The following STXBP5L variants were observed in gnomAD, a reference collection of about 807,000 sequenced individuals.
The protein encoded by STXBP5L is syntaxin-binding protein 5-like.
A neutral mutation model predicts 144.5 loss-of-function variants in STXBP5L; 65 were observed. The ratio of observed to expected loss-of-function variants is 0.45; its 90% CI spans 0.37 to 0.55. The LOEUF is 0.55. Among genes scored for constraint, STXBP5L ranks in the 20% least tolerant of loss-of-function variants. The pLI is 0.00. For synonymous variants in STXBP5L, 505 were observed against 469.6 expected (o/e 1.08, Z -0.97); for missense variants, 1,298 against 1,405.5 (o/e 0.92, Z 1.22).
intron 3 of STXBP5L, among the ~76,000 whole-genome samples, chr3:120,976,897 G>C (rs1004365246): frequency 2.6e-5 from 4 of 152,032 alleles, no homozygotes; most frequent in African/African-American, 9.7e-5. Context: ...TGATTGCACT[G>C]TGGTCTGAGA....
chr3:121,022,565 T>A (rs1404059443), intron 3 of STXBP5L, among the ~76,000 whole-genome samples: 1 of 152,108 alleles, frequency 6.6e-6, no homozygotes, highest in Non-Finnish European at 1.5e-5. Flanking sequence ...TCCACCATGA[T>A]CAAGTGGGTT....
chr3:121,206,000 A>C lies in STXBP5L; in HGVS notation c.955A>C (p.Ser319Arg). The change falls in exon 10 of 27, where the codon AGC (serine) becomes CGC (arginine). Residue 319 changes from serine to arginine, a missense_variant and splice_region_variant. Ser to Arg is a moderately radical substitution (Grantham distance 110, BLOSUM62 -1). Coordinates refer to ENST00000471454, the MANE Select transcript of STXBP5L (RefSeq NM_001308330.2). ...AGTAGAATACAAGACCTGCAAAAAC[A>C]GGTATGCATTTTTACTTTAGGGAAA... ...LKVEYKTCKN[S>R]EPFIIFSGGL... The C allele has an allele frequency of 6.7e-7, 1 of 1,497,496 alleles. No individual in the cohort carries two copies. Among genetic ancestry groups the C allele is most frequent in the Non-Finnish European group, 8.9e-7 (1 of 1,126,250 alleles). The allele number at this position is 1,497,496 out of a possible 1,614,324, so 92.8% of individuals were successfully genotyped here.
chr3:121,381,834 T>A (rs961283295), intron 22 of STXBP5L, among the ~76,000 whole-genome samples: 1 of 152,108 alleles, frequency 6.6e-6, no homozygotes, highest in Non-Finnish European at 1.5e-5. Context: ...AAACTTAAAT[T>A]TATTTTTAAC....
intron 6 of STXBP5L, among the ~76,000 whole-genome samples, chr3:121,119,816 CTA>C (rs1424869802): frequency 1.3e-5 from 2 of 151,150 alleles, no homozygotes; most frequent in Non-Finnish European, 1.5e-5. Flanking sequence ...TTGATGTGTT[CTA>C]TGTTTGTTTA....
intron 20 of STXBP5L, among the ~76,000 whole-genome samples, chr3:121,375,028 G>C (rs2046143368): frequency 6.6e-6 from 1 of 150,542 alleles, no homozygotes; most frequent in African/African-American, 2.4e-5. Flanking sequence ...GAGGGTGGGA[G>C]GGTGGGAGGG....
intron 18 of STXBP5L, among the ~76,000 whole-genome samples, chr3:121,265,078 T>G (rs1004911802): frequency 6.6e-6 from 1 of 152,138 alleles, no homozygotes; most frequent in Middle Eastern, 3.2e-3. Flanking sequence ...GACAGAAAAT[T>G]AATAAGGATA....
intron 3 of STXBP5L, among the ~76,000 whole-genome samples, chr3:120,973,785 C>T (rs573789348): frequency 6.7e-6 from 1 of 148,942 alleles, no homozygotes; most frequent in Non-Finnish European, 1.5e-5. Context: ...TGAGTGAGAA[C>T]ATGCGGTGTT....
chr3:121,247,032 A>C (rs1468937375), intron 14 of STXBP5L, among the ~76,000 whole-genome samples: 2 of 152,186 alleles, frequency 1.3e-5, no homozygotes, highest in Non-Finnish European at 2.9e-5. Context: ...ATTTACTAAA[A>C]ATTATCAAAC....
chr3:121,227,390 C>A (rs1280988087), intron 11 of STXBP5L, among the ~76,000 whole-genome samples: 1 of 152,024 alleles, frequency 6.6e-6, no homozygotes, highest in Non-Finnish European at 1.5e-5. Context: ...GACCAGCCTG[C>A]ACAACATAGC....
intron 5 of STXBP5L, among the ~76,000 whole-genome samples, chr3:121,058,136 C>T (rs1023610611): frequency 1.3e-5 from 2 of 152,172 alleles, no homozygotes; most frequent in East Asian, 3.9e-4. Flanking sequence ...ACACCCCCAT[C>T]ACCCAACAGG....
intron 20 of STXBP5L, among the ~76,000 whole-genome samples, chr3:121,338,600 A>AG (rs1419979066): frequency 4.9e-4 from 73 of 149,598 alleles, no homozygotes; most frequent in Non-Finnish European, 1.0e-3. Flanking sequence ...GTCAAAAAAA[A>AG]AAAAAAAAAG....
At chr3:121,308,006 C>A (rs1335504385) in intron 19 of STXBP5L, among the ~76,000 whole-genome samples, 1 of 152,028 alleles carries the variant, frequency 6.6e-6, no homozygotes, top group Non-Finnish European at 1.5e-5. Context: ...ACAATGGAGG[C>A]CAGAAGGGAA....
At chr3:121,207,738 A>G (rs1261067155) in intron 10 of STXBP5L, among the ~76,000 whole-genome samples, 1 of 152,250 alleles carries the variant, frequency 6.6e-6, no homozygotes, top group East Asian at 1.9e-4. Context: ...AAAAATGCTC[A>G]TCATCACTGG....
intron 3 of STXBP5L, among the ~76,000 whole-genome samples, chr3:121,006,608 T>A (rs969318202): frequency 6.6e-6 from 1 of 152,198 alleles, no homozygotes; most frequent in Admixed American, 6.5e-5. Flanking sequence ...GTTAGCTGGT[T>A]ATTTTGCTTG....
chr3:121,129,314 G>A (rs564796815), intron 7 of STXBP5L, among the ~76,000 whole-genome samples: 26 of 151,894 alleles, frequency 1.7e-4, no homozygotes, highest in African/African-American at 4.8e-4. Flanking sequence ...GTAATCAGAA[G>A]CAATACAGCA....
At chr3:121,015,257 T>C (rs1018954296) in intron 3 of STXBP5L, among the ~76,000 whole-genome samples, 1 of 152,182 alleles carries the variant, frequency 6.6e-6, no homozygotes, top group African/African-American at 2.4e-5. Flanking sequence ...TTAATAATTT[T>C]AAAAATCAGT....
At chr3:120,923,917 C>A (rs1266276644) in intron 2 of STXBP5L, among the ~76,000 whole-genome samples, 1 of 151,626 alleles carries the variant, frequency 6.6e-6, no homozygotes, top group Non-Finnish European at 1.5e-5. Context: ...CTGTCCGTTA[C>A]TGAGAGAGAT....
intron 10 of STXBP5L, among the ~76,000 whole-genome samples, chr3:121,207,538 A>C (rs1376660674): frequency 6.6e-6 from 1 of 152,232 alleles, no homozygotes; most frequent in African/African-American, 2.4e-5. Context: ...CATCATAGTG[A>C]ACAGGCAACC....
intron 15 of STXBP5L, among the ~76,000 whole-genome samples, chr3:121,251,131 T>C (rs538868739): frequency 3.9e-5 from 6 of 152,242 alleles, no homozygotes; most frequent in Admixed American, 6.5e-5. Context: ...AGTCTTCACT[T>C]TTTTTTCCCC....
Sources: allele counts gnomAD v4.1 joint callset (sites outside exome capture counted in the v4.1 genomes callset), GRCh38; gene constraint gnomAD v4.1.1; transcripts MANE v1.5; gene names NCBI Gene and HGNC (gene_info 2026-07-23, HGNC 2026-07-21).